The following KCND3 variants were observed in gnomAD, a reference collection of about 807,000 sequenced individuals.
The protein encoded by KCND3 is potassium voltage-gated channel subfamily D member 3.
In KCND3, 9 loss-of-function variants were observed where a neutral mutation model predicts 51.1. The observed-to-expected ratio is 0.18, with a 90% CI of 0.11 to 0.31. KCND3 has a LOEUF of 0.31. Ranked by LOEUF, KCND3 falls within the 10% of genes least tolerant of loss-of-function variation. KCND3 has a pLI of 1.00. For missense variants in KCND3, 526 were observed against 903.8 expected, an observed-to-expected ratio of 0.58 and a Z score of 5.36; for synonymous variants, 349 against 368.0, an observed-to-expected ratio of 0.95 and a Z score of 0.59.
chr1:111,778,223 G>C (rs2101461178), intron 6 of KCND3, among the ~76,000 whole-genome samples: 1 of 152,274 alleles, frequency 6.6e-6, no homozygotes, highest in Non-Finnish European at 1.5e-5. Context: ...CCCCTGGGGA[G>C]TTCCAAAGAG....
At chr1:111,983,607 C>T (rs960506517) in intron 1 of KCND3, among the ~76,000 whole-genome samples, 5 of 152,076 alleles carry the variant, frequency 3.3e-5, no homozygotes, top group African/African-American at 4.8e-5. Context: ...TTCCATGCAT[C>T]GTCTCTCTCC....
Position 111,877,761 on chromosome 1 carries a change from T to C in KCND3, c.1107-90655A>G, listed in dbSNP as rs184850353. On this transcript the variant is annotated intron_variant, in intron 2 of 7. Coordinates refer to ENST00000302127, the MANE Select transcript of KCND3 (RefSeq NM_001378969.1). ...AGAGGGATAGAGTCCTTGACCTTCCTCTTGAAATAAGTTCATCCCCTCTTG... is the reference window on the plus strand; with the variant it reads ...AGAGGGATAGAGTCCTTGACCTTCCCCTTGAAATAAGTTCATCCCCTCTTG... Among the ~76,000 whole-genome samples the C allele has an allele frequency of 2.7e-3, 412 of 152,312 alleles. 2 individuals are homozygous for C. The highest frequency in any genetic ancestry group is 9.5e-3 in the African/African-American group (395 of 41,554).
intron 2 of KCND3, among the ~76,000 whole-genome samples, chr1:111,834,297 A>G (rs908250672): frequency 6.6e-6 from 1 of 152,196 alleles, no homozygotes; most frequent in Non-Finnish European, 1.5e-5. Context: ...GCAGAAGCCA[A>G]ATCTGATCCT....
At chr1:111,807,404 G>A (rs1205766710) in intron 2 of KCND3, among the ~76,000 whole-genome samples, 1 of 152,254 alleles carries the variant, frequency 6.6e-6, no homozygotes, top group Non-Finnish European at 1.5e-5. Flanking sequence ...ATGGCCAGGA[G>A]TGGTGGCTCA....
Position 111,778,487 on chromosome 1 carries a change from C to A in KCND3, c.1467G>T (p.Leu489Phe). ...LLHCLEKTTG[L>F]SYLVDDPLLS... is the part of the protein sequence containing the mutation. ...ACAGGGGATCATCCACAAGATAGGACAACCCCTACAGGACAACATGCCAAC... is the reference window on the plus strand; with the variant it reads ...ACAGGGGATCATCCACAAGATAGGAAAACCCCTACAGGACAACATGCCAAC... The change falls in exon 6 of 8, where the codon TTG becomes TTT. Residue 489 changes from leucine (L) to phenylalanine (F), a missense_variant. Around this residue, in one of 5 missense-constraint regions of KCND3, gnomAD observed 266 missense variants for 305.5 expected, o/e 0.87. Transcript: ENST00000302127. The A allele has an allele frequency of 6.2e-7, 1 of 1,613,842 alleles. No individual in the cohort carries two copies. Among genetic ancestry groups the A allele is most frequent in the Non-Finnish European group, 8.5e-7 (1 of 1,179,722 alleles).
chr1:111,786,905 C>T (rs755894090), intron 3 of KCND3, 39 bp downstream of exon 3: 5 of 1,612,628 alleles, frequency 3.1e-6, no homozygotes, highest in Admixed American at 3.3e-5. Flanking sequence ...TCCCCCGCAT[C>T]CTTTACACTG....
intron 2 of KCND3, among the ~76,000 whole-genome samples, chr1:111,834,756 G>A (rs1355291732): frequency 2.0e-5 from 3 of 152,186 alleles, no homozygotes; most frequent in African/African-American, 7.2e-5. Flanking sequence ...AAGAAACACA[G>A]AAATTTATTA....
chr1:111,813,825 TGAG>T (rs2101580409), intron 2 of KCND3, among the ~76,000 whole-genome samples: 2 of 152,320 alleles, frequency 1.3e-5, no homozygotes, highest in Non-Finnish European at 2.9e-5. Context: ...ATTATATAGA[TGAG>T]GAAACTGAGC....
chr1:111,814,704 T>TTATTGCCAGAAAACTGA (rs1553241574), intron 2 of KCND3, among the ~76,000 whole-genome samples: 3 of 152,210 alleles, frequency 2.0e-5, no homozygotes, highest in Non-Finnish European at 4.4e-5. Context: ...AGCCTGAAAG[T>TTATTGCCAGAAAACTGA]TATTGCCAGA....
chr1:111,886,052 C>CTA (rs1409965226), intron 2 of KCND3, among the ~76,000 whole-genome samples: 1 of 152,198 alleles, frequency 6.6e-6, no homozygotes, highest in African/African-American at 2.4e-5. Context: ...TATAGTGTGG[C>CTA]TGAAATCAAA....
At chr1:111,846,203 C>T (rs1174820137) in intron 2 of KCND3, among the ~76,000 whole-genome samples, 1 of 152,198 alleles carries the variant, frequency 6.6e-6, no homozygotes, top group East Asian at 1.9e-4. Context: ...GACAGTCCCA[C>T]ACAAACTAGG....
At chr1:111,957,545 C>T (rs983386306) in intron 2 of KCND3, among the ~76,000 whole-genome samples, 2 of 151,722 alleles carry the variant, frequency 1.3e-5, no homozygotes, top group Non-Finnish European at 2.9e-5. Flanking sequence ...CCAAGTTCCA[C>T]AATGATATAA....
intron 2 of KCND3, among the ~76,000 whole-genome samples, chr1:111,824,927 AT>A (rs1425657699): frequency 6.6e-6 from 1 of 152,194 alleles, no homozygotes; most frequent in Non-Finnish European, 1.5e-5. Flanking sequence ...GCAGCCCTGA[AT>A]AAAGCCTTCT....
intron 2 of KCND3, among the ~76,000 whole-genome samples, chr1:111,893,230 T>C (rs1669931870): frequency 6.6e-6 from 1 of 152,164 alleles, no homozygotes; most frequent in Non-Finnish European, 1.5e-5. Flanking sequence ...TACAGAGTAC[T>C]AAGTGGGAAG....
intron 2 of KCND3, among the ~76,000 whole-genome samples, chr1:111,928,646 G>C (rs568730774): frequency 2.0e-5 from 3 of 152,356 alleles, no homozygotes; most frequent in South Asian, 4.1e-4. Context: ...TGAGTGAACA[G>C]TGGCAGGGGC....
At chr1:111,790,662 G>A (rs894890762) in intron 2 of KCND3, among the ~76,000 whole-genome samples, 18 of 152,066 alleles carry the variant, frequency 1.2e-4, no homozygotes, top group Admixed American at 8.5e-4. Flanking sequence ...TCACATCACC[G>A]CAGTTTAATT....
chr1:111,978,826 C>T (rs963651747), intron 2 of KCND3, among the ~76,000 whole-genome samples: 12 of 152,140 alleles, frequency 7.9e-5, no homozygotes, highest in African/African-American at 2.2e-4. Flanking sequence ...AAGAGGCACT[C>T]CATTCACACT....
chr1:111,805,770 G>A (rs984281145), intron 2 of KCND3, among the ~76,000 whole-genome samples: 1 of 152,204 alleles, frequency 6.6e-6, no homozygotes, highest in Non-Finnish European at 1.5e-5. Context: ...CTGTGTGGAC[G>A]GTGTGAAAAT....
chr1:111,858,029 C>T (rs1668162881), intron 2 of KCND3, among the ~76,000 whole-genome samples: 1 of 152,134 alleles, frequency 6.6e-6, no homozygotes, highest in African/African-American at 2.4e-5. Context: ...GAAACTGATA[C>T]TCAGAAGAGT....
Sources: allele counts gnomAD v4.1 joint callset (sites outside exome capture counted in the v4.1 genomes callset), GRCh38; gene constraint gnomAD v4.1.1; regional missense constraint gnomAD v4.1.1; transcripts MANE v1.5; gene names NCBI Gene and HGNC (gene_info 2026-07-23, HGNC 2026-07-21).